The following AXIN1 variants were observed in gnomAD, a reference collection of about 807,000 sequenced individuals.
The protein encoded by AXIN1 is axin-1.
In AXIN1, 30 loss-of-function variants were observed where a neutral mutation model predicts 76.4. The ratio of observed to expected loss-of-function variants is 0.39; its 90% confidence interval spans 0.29 to 0.53. AXIN1 has a LOEUF of 0.53. AXIN1 is among the 20% of genes least tolerant of loss of function. The pLI is 0.66. For missense variants in AXIN1, 1,140 were observed against 1,198.8 expected, an observed-to-expected ratio of 0.95 and a Z score of 0.72; for synonymous variants, 545 against 501.4, an observed-to-expected ratio of 1.09 and a Z score of -1.16.
chr16:290,209 C>T (rs1165112823), intron 9 of AXIN1: 3 of 165,216 alleles, frequency 1.8e-5, no homozygotes, highest in African/African-American at 7.2e-5. Flanking sequence ...ACTCGGCTAC[C>T]CCGCCGCCAC....
chr16:337,611 C>T (rs1030802336), intron 2 of AXIN1, among the ~76,000 whole-genome samples: 1 of 152,206 alleles, frequency 6.6e-6, no homozygotes, highest in South Asian at 2.1e-4. Flanking sequence ...GAGGACAGCG[C>T]CTGCCAGGAC....
intron 4 of AXIN1, among the ~76,000 whole-genome samples, chr16:306,471 C>A (rs1040655257): frequency 6.6e-6 from 1 of 152,352 alleles, no homozygotes; most frequent in Middle Eastern, 3.4e-3. Flanking sequence ...AGGTGGGACC[C>A]TCCGTGTGTG....
At chr16:321,422 T>C (rs2141620828) in intron 2 of AXIN1, among the ~76,000 whole-genome samples, 1 of 152,368 alleles carries the variant, frequency 6.6e-6, no homozygotes, top group South Asian at 2.1e-4. Flanking sequence ...TTGTTAAAAG[T>C]AAGTTCTGAT....
intron 2 of AXIN1, 81 bp downstream of exon 2, chr16:346,067 G>T (rs989381721): frequency 2.8e-6 from 4 of 1,436,892 alleles, no homozygotes; most frequent in East Asian, 2.4e-5. Context: ...GTTAACGCCC[G>T]CCTCATCAGC....
Position 338,412 on chromosome 16 carries a change from T to C in AXIN1, c.878+7736A>G, listed in dbSNP as rs547216335. The stretch of plus-strand genomic sequence containing the variant: ...TCATCGGCACGTCTGCCACTGGCTG[T>C]CTGCAAAGTGCTTCCCTTTCACAAC... On this transcript the variant is annotated intron_variant, in intron 2 of 10. Coordinates refer to ENST00000262320, the MANE Select transcript of AXIN1 (RefSeq NM_003502.4). Among the ~76,000 whole-genome samples, 409 of 152,326 alleles carry C rather than the reference T, an allele frequency of 2.7e-3. 1 individual carries two copies. Among genetic ancestry groups the C allele is most frequent in the Non-Finnish European group, 4.6e-3 (311 of 68,018 alleles).
chr16:326,053 T>C (rs910675917), intron 2 of AXIN1, among the ~76,000 whole-genome samples: 4 of 152,020 alleles, frequency 2.6e-5, no homozygotes, highest in African/African-American at 7.3e-5. Context: ...CTGTCACTTA[T>C]ATACTATATA....
intron 4 of AXIN1, among the ~76,000 whole-genome samples, chr16:304,912 G>A (rs1429289270): frequency 2.0e-5 from 3 of 152,230 alleles, no homozygotes; most frequent in South Asian, 2.1e-4. Context: ...CCCCCTTTTC[G>A]TGTCCGGCCA....
At position 298,030 on chromosome 16, in the gene AXIN1, G is replaced by C. The variant is rs556005691; in HGVS notation, c.1476C>G (p.Arg492=). ...PGRQSPGPGH[R]SPDSGHVAKM... is the part of the protein sequence containing the mutation. ...TGGCCACGTGCCCACTGTCCGGGGA[G>C]CGATGGCCAGGCCCAGGCGACTGGC... Residue 492 remains arginine, a synonymous_variant, in exon 6 of 11, where the codon CGC becomes CGG. Transcript: ENST00000262320. The C allele has an allele frequency of 4.4e-6, 7 of 1,592,170 alleles. No homozygotes were observed. In the African/African-American group the frequency reaches 8.0e-5, roughly 18 times the overall value.
At chr16:301,082 A>G (rs991081786) in intron 5 of AXIN1, among the ~76,000 whole-genome samples, 4 of 151,954 alleles carry the variant, frequency 2.6e-5, no homozygotes, top group Admixed American at 6.6e-5. Flanking sequence ...CATCCTGGCT[A>G]ACATGGTGAA....
chr16:305,994 A>G (rs551147597), intron 4 of AXIN1, among the ~76,000 whole-genome samples: 2 of 152,200 alleles, frequency 1.3e-5, no homozygotes, highest in African/African-American at 4.8e-5. Context: ...CTTCATTTTA[A>G]ATTTCAAACT....
chr16:296,143 G>T (rs543164640), intron 7 of AXIN1, among the ~76,000 whole-genome samples: 1 of 152,178 alleles, frequency 6.6e-6, no homozygotes, highest in African/African-American at 2.4e-5. Flanking sequence ...CTGTTCCCTC[G>T]GGAGCCCCAG....
chr16:310,152 C>A, intron 3 of AXIN1, 83 bp from the exon 4 acceptor site: 1 of 1,315,460 alleles, frequency 7.6e-7, no homozygotes, highest in South Asian at 1.3e-5. Context: ...TGGCCCCGAC[C>A]GCCGGTCAGC....
At position 324,240 on chromosome 16, in the gene AXIN1, G is replaced by A. The variant is rs534070291; in HGVS notation, c.879-9557C>T. Among the ~76,000 whole-genome samples the A allele has an allele frequency of 2.4e-4, 34 of 139,744 alleles. 1 individual carries two copies. Among genetic ancestry groups the A allele is most frequent in the East Asian group, 1.4e-3 (7 of 4,984 alleles). 91.7% of individuals were successfully genotyped at this position (139,744 alleles called of 152,430 possible). A position where few individuals can be genotyped will look rare whatever the true frequency, so the allele number is the denominator to read the frequency against. On this transcript the variant is annotated intron_variant, in intron 2 of 10. Transcript: ENST00000262320. The stretch of plus-strand genomic sequence containing the variant: ...CACATTACGGGTCGGCACTGGGCAC[G>A]AGGCCACCTGCTCAAGGACGCCGAT...
chr16:314,430 AC>A, intron 3 of AXIN1, 112 bp downstream of exon 3: 1 of 1,525,292 alleles, frequency 6.6e-7, no homozygotes, highest in Non-Finnish European at 8.9e-7. Flanking sequence ...TCCGCAAGAA[AC>A]AGGGTGTCTG....
intron 2 of AXIN1, among the ~76,000 whole-genome samples, chr16:339,144 G>A (rs12929215): frequency 0.17 from 24,721 of 145,876 alleles, 2,221 homozygotes; most frequent in South Asian, 0.24. Context: ...TTGGGAGGCC[G>A]AGACGGGCAG....
chr16:339,418 G>A (rs2053870756), intron 2 of AXIN1, among the ~76,000 whole-genome samples: 1 of 96,948 alleles, frequency 1.0e-5, no homozygotes, highest in African/African-American at 4.6e-5. Context: ...GGCTGAGGCA[G>A]GAGAAGTGCT....
At position 293,948 on chromosome 16, in the gene AXIN1, C is replaced by T. The variant is rs747243989; in HGVS notation, c.1956-230G>A. 9.9e-5 allele frequency among the ~76,000 whole-genome samples: 15 copies of T among 151,968 alleles called. No homozygotes were observed. The highest frequency in any genetic ancestry group is 7.9e-4 in the Admixed American group (12 of 15,244). ...ATCCCAGCATTTCGGGAGGCCGAGG[C>T]GGGCAGATCACCAGAGGTCGGGAGT... On this transcript the variant is annotated intron_variant, in intron 7 of 10. Transcript: ENST00000262320. The surrounding 1 kb of genome is among the most constrained non-coding windows in gnomAD (Gnocchi z 4.6).
Position 346,319 on chromosome 16 carries a change from C to A in AXIN1, c.707G>T (p.Gly236Val), listed in dbSNP as rs974918506. Reference protein sequence around the residue: ...SGSGTGKGISGYLPTLNEDEE... With the variant: ...SGSGTGKGISVYLPTLNEDEE... ...ATCTTCATTTAAGGTCGGCAGGTAT[C>A]CAGATATGCCCTTCCCTGTCCCTGA... Residue 236 changes from glycine (G) to valine (V), a missense_variant, in exon 2 of 11, where the codon GGA becomes GTA. This residue lies in a region of AXIN1 where 708 missense variants were observed against 776.9 expected (regional missense o/e 0.91). Transcript: ENST00000262320. 1.2e-6 allele frequency: 2 copies of A among 1,614,080 alleles called. No homozygotes were observed. Among genetic ancestry groups the A allele is most frequent in the African/African-American group, 2.7e-5 (2 of 74,916 alleles).
At chr16:333,125 G>A (rs932418275) in intron 2 of AXIN1, among the ~76,000 whole-genome samples, 1 of 152,114 alleles carries the variant, frequency 6.6e-6, no homozygotes, top group Non-Finnish European at 1.5e-5. Context: ...CTGAGGTCGG[G>A]AGTTTGAGAC....
Sources: allele counts gnomAD v4.1 joint callset (sites outside exome capture counted in the v4.1 genomes callset), GRCh38; gene constraint gnomAD v4.1.1; regional missense constraint gnomAD v4.1.1; non-coding constraint Gnocchi (gnomAD v3.1); transcripts MANE v1.5; gene names NCBI Gene and HGNC (gene_info 2026-07-23, HGNC 2026-07-21).